The following NOL12 variants were observed in gnomAD, a reference collection of about 807,000 sequenced individuals.
NOL12 encodes the protein nucleolar protein 12.
NOL12 carries 21 observed loss-of-function variants against 25.2 expected under a neutral mutation model. The observed-to-expected ratio is 0.83, with a 90% CI of 0.59 to 1.20. The LOEUF (loss-of-function observed/expected upper bound fraction) is 1.20, where lower values mean the gene tolerates loss of function less well. Ranked by LOEUF, NOL12 falls within the 50% of genes most tolerant of loss-of-function variation. NOL12 has a pLI of 0.00. For synonymous variants in NOL12, 133 were observed against 113.8 expected (o/e 1.17, Z -1.08); for missense variants, 286 against 287.6 (o/e 0.99, Z 0.04).
At chr22:37,687,060 A>G (rs1921846079) in intron 1 of NOL12, 2 of 985,296 alleles carry the variant, frequency 2.0e-6, no homozygotes, top group African/African-American at 1.7e-5. Flanking sequence ...AGGTAGGGAA[A>G]TGCTGGGCAT....
chr22:37,691,617 C>CACTCGTCAGATTTGTGGA lies in NOL12; in HGVS notation c.*285_*286insGTCAGATTTGTGGAACTC. Reference sequence around the variant, plus strand: ...CTTCCCAAATGTGCACCCCACCTGGCACTCATCAGATTTGTGCGCTTGTGA... The same window carrying CACTCGTCAGATTTGTGGA: ...CTTCCCAAATGTGCACCCCACCTGGCACTCGTCAGATTTGTGGAACTCATCAGATTTGTGCGCTTGTGA... On this transcript the variant is annotated 3_prime_UTR_variant, in exon 6 of 6. Coordinates refer to ENST00000359114, the MANE Select transcript of NOL12 (RefSeq NM_024313.3). 2.6e-6 allele frequency: 1 copy of CACTCGTCAGATTTGTGGA among 379,022 alleles called. No homozygotes were observed. The allele number at this position is 379,022 out of a possible 1,614,324, so 23.5% of individuals were successfully genotyped here.
At chr22:37,688,679 A>G (rs1303431573) in intron 3 of NOL12, among the ~76,000 whole-genome samples, 171 bp from the exon 4 acceptor site, 1 of 152,134 alleles carries the variant, frequency 6.6e-6, no homozygotes, top group East Asian at 1.9e-4. Flanking sequence ...CATGAAGGAA[A>G]CGGGATCATT....
intron 4 of NOL12, among the ~76,000 whole-genome samples, chr22:37,690,199 G>C (rs374665108): frequency 6.6e-6 from 1 of 150,628 alleles, no homozygotes; most frequent in East Asian, 2.0e-4. Context: ...GCATGGTGGC[G>C]TGCACCTGTA....
chr22:37,689,013 T>C, intron 4 of NOL12, 21 bp downstream of exon 4: 2 of 1,608,072 alleles, frequency 1.2e-6, no homozygotes, highest in Admixed American at 1.7e-5. Context: ...GTCTCAGCCC[T>C]GGGAGGAAGG....
intron 1 of NOL12, chr22:37,686,968 G>C: frequency 1.0e-6 from 1 of 985,446 alleles, no homozygotes. Context: ...GAAAAGCCCA[G>C]TGCTGGACCG....
Position 37,692,432 on chromosome 22 carries a change from G to A in NOL12, c.*1096G>A. On this transcript the variant is annotated 3_prime_UTR_variant, in exon 6 of 6. Transcript: ENST00000359114. ...CCCCACCAGAGTAGACCCTGCGGGT[G>A]CCAGCTAGAACTCCACAAGGGGCCA... is the stretch of plus-strand genomic sequence containing the variant. 5 of 398,634 alleles carry A rather than the reference G, an allele frequency of 1.3e-5. No individual in the cohort carries two copies. The highest frequency in any genetic ancestry group is 1.8e-5 in the Non-Finnish European group (4 of 226,076). 24.7% of individuals were successfully genotyped at this position (398,634 alleles called of 1,614,324 possible). A position where few individuals can be genotyped will look rare whatever the true frequency, so the allele number is the denominator to read the frequency against.
intron 4 of NOL12, among the ~76,000 whole-genome samples, chr22:37,690,141 A>G (rs1223892695): frequency 6.6e-6 from 1 of 152,176 alleles, no homozygotes. Context: ...ATTGCACTCC[A>G]GCCTGGGCAA....
chr22:37,689,832 C>T (rs773289113), intron 4 of NOL12, among the ~76,000 whole-genome samples: 2 of 151,830 alleles, frequency 1.3e-5, no homozygotes, highest in African/African-American at 2.4e-5. Flanking sequence ...AGTTTGAGAC[C>T]AGCCTGGCCA....
chr22:37,686,871 G>A (rs1183959082), intron 1 of NOL12: 3 of 985,296 alleles, frequency 3.0e-6, no homozygotes, highest in Non-Finnish European at 3.6e-6. Flanking sequence ...GGGCTCCTTT[G>A]GTGTGCCAGG....
chr22:37,690,120 G>A (rs1018163934), intron 4 of NOL12, among the ~76,000 whole-genome samples: 7 of 151,992 alleles, frequency 4.6e-5, no homozygotes, highest in African/African-American at 7.3e-5. Context: ...GTGGTGAGCC[G>A]AGATCGTGCC....
chr22:37,688,430 G>A, intron 3 of NOL12, 70 bp downstream of exon 3: 1 of 1,538,866 alleles, frequency 6.5e-7, no homozygotes, highest in Non-Finnish European at 9.0e-7. Context: ...GTGGGTGGAA[G>A]GGATAGAAGC....
In NOL12 at chr22:37,686,490, C is replaced by G. The variant is rs777271631; in HGVS notation, c.83+15C>G. 6 of 1,585,198 alleles carry G rather than the reference C, an allele frequency of 3.8e-6. No individual in the cohort carries two copies. The highest frequency in any genetic ancestry group is 3.4e-6 in the Non-Finnish European group (4 of 1,168,618). On this transcript the variant is annotated intron_variant, in intron 1 of 5. Coordinates refer to ENST00000359114, the MANE Select transcript of NOL12 (RefSeq NM_024313.3). ...GAGAAGAGGCGGTGAGTGGCAAAGCCGGACCGGACTCCCCTCGAGCTGTTC... is the reference window on the plus strand; with the variant it reads ...GAGAAGAGGCGGTGAGTGGCAAAGCGGGACCGGACTCCCCTCGAGCTGTTC...
intron 4 of NOL12, 117 bp downstream of exon 4, chr22:37,689,109 C>A: frequency 1.6e-6 from 2 of 1,269,506 alleles, no homozygotes; most frequent in South Asian, 1.3e-5. Context: ...GAAGAAGGGG[C>A]GTGGGGGCAG....
At chr22:37,688,193 C>G (rs1601606411) in intron 2 of NOL12, 119 bp from the exon 3 acceptor site, 1 of 1,192,740 alleles carries the variant, frequency 8.4e-7, no homozygotes, top group East Asian at 2.4e-5. Flanking sequence ...AAGATGGAGT[C>G]TCCTCCTGAT....
chr22:37,688,052 C>A (rs776561794), intron 2 of NOL12, 37 bp downstream of exon 2: 1 of 1,497,592 alleles, frequency 6.7e-7, no homozygotes, highest in Non-Finnish European at 9.1e-7. Context: ...GTCTTTGATT[C>A]TTAGGGCACT....
intron 1 of NOL12, chr22:37,686,823 T>C: frequency 1.0e-6 from 1 of 985,304 alleles, no homozygotes; most frequent in Non-Finnish European, 1.2e-6. Flanking sequence ...GAAATGAGAG[T>C]GGCTTAAGTT....
Position 37,691,185 on chromosome 22 carries a change from T to A in NOL12, c.491T>A (p.Leu164His). 6.2e-7 allele frequency: 1 copy of A among 1,609,944 alleles called. No individual in the cohort carries two copies. Among genetic ancestry groups the A allele is most frequent in the Non-Finnish European group, 8.5e-7 (1 of 1,177,498 alleles). ...DPLLSQRISS[L>H]TASLHAHSRK... is the part of the protein sequence containing the mutation. ...CTGCCCTCCCCTAGGATCTCCTCCC[T>A]CACAGCATCACTACATGCACACAGC... The change falls in exon 6 of 6, where the codon CTC becomes CAC. Residue 164 changes from leucine to histidine, a missense_variant. Transcript: ENST00000359114.
chr22:37,689,084 C>G, intron 4 of NOL12, 92 bp downstream of exon 4: 1 of 1,447,084 alleles, frequency 6.9e-7, no homozygotes. Context: ...ATGGGTATCC[C>G]ACTGCCAGCC....
intron 1 of NOL12, chr22:37,687,646 C>T (rs1028082510): frequency 5.8e-5 from 18 of 309,698 alleles, no homozygotes; most frequent in Non-Finnish European, 1.1e-4. Flanking sequence ...TTAGTAGACA[C>T]GGAGTTTCAC....
Sources: gnomAD v4.1 joint callset for allele counts (sites outside exome capture counted in the v4.1 genomes callset) on GRCh38, gnomAD v4.1.1 for gene constraint, MANE v1.5 for transcripts, NCBI Gene and HGNC (gene_info 2026-07-23, HGNC 2026-07-21) for gene names.